Variants in LANCL3 observed in about 807,000 individuals in gnomAD.
LANCL3 encodes the protein LanC like family member 3, also known as lanC-like protein 3.
In LANCL3, 19 loss-of-function variants were observed where a neutral mutation model predicts 26.5. The observed-to-expected ratio is 0.72, with a 90% confidence interval of 0.50 to 1.05. The LOEUF (loss-of-function observed/expected upper bound fraction) is 1.05. Ranked by LOEUF, LANCL3 falls within the 50% of genes least tolerant of loss-of-function variation. The pLI is 0.00. For synonymous variants in LANCL3, 160 were observed against 166.6 expected (o/e 0.96, Z 0.30); for missense variants, 318 against 362.7 (o/e 0.88, Z 1.00).
At chrX:37,608,059 AG>A (rs1381660302) in intron 1 of LANCL3, among the ~76,000 whole-genome samples, 1 of 112,257 alleles carries the variant, frequency 8.9e-6, no homozygotes, top group African/African-American at 3.2e-5. Flanking sequence ...TACAGTACTT[AG>A]CTAGTGCTTC....
intron 4 of LANCL3, among the ~76,000 whole-genome samples, chrX:37,673,557 G>GA (rs1479845929): frequency 2.7e-5 from 3 of 109,540 alleles, no homozygotes; most frequent in South Asian, 3.9e-4. Context: ...GAACGTTTTA[G>GA]AAAAAAAAAT....
intron 1 of LANCL3, among the ~76,000 whole-genome samples, chrX:37,593,680 G>A (rs1395129018): frequency 9.0e-6 from 1 of 111,623 alleles, no homozygotes; most frequent in Non-Finnish European, 1.9e-5. Flanking sequence ...AAATAAATGA[G>A]GGCTCCTTAG....
chrX:37,595,680 A>C (rs1924407686), intron 1 of LANCL3, among the ~76,000 whole-genome samples: 1 of 112,380 alleles, frequency 8.9e-6, no homozygotes, highest in African/African-American at 3.2e-5. Flanking sequence ...AATACCTGAC[A>C]TCTAAAAAGG....
intron 1 of LANCL3, among the ~76,000 whole-genome samples, chrX:37,630,687 T>G (rs1468801002): frequency 4.6e-4 from 47 of 102,384 alleles, no homozygotes; most frequent in African/African-American, 1.6e-3. Flanking sequence ...TCAAAGGCCT[T>G]TTCTGCATCT....
chrX:37,626,445 A>C (rs1448982846), intron 1 of LANCL3, among the ~76,000 whole-genome samples: 1 of 112,333 alleles, frequency 8.9e-6, no homozygotes, highest in African/African-American at 3.2e-5. Context: ...GGGAGGAAGC[A>C]AACCATTTAT....
Position 37,572,032 on chromosome X carries a change from G to A in LANCL3, c.162G>A (p.Ala54=). 3.4e-6 allele frequency: 4 copies of A among 1,181,928 alleles called. No individual in the cohort carries two copies. The highest frequency in any genetic ancestry group is 4.5e-6 in the Non-Finnish European group (4 of 881,552). ...GGGGCGGCGCGGAGGCCCGAGGGGC[G>A]ACGGCGGGGGCTAGCGCCTGCCAGG... ...PLGGGAEARG[A]TAGASACQGG... Residue 54 remains alanine (A), a synonymous_variant, in exon 1 of 5, where the codon GCG becomes GCA. Transcript: ENST00000378619.
Position 37,684,184 on chromosome X carries a change from G to A in LANCL3, c.*8371G>A. 1 of 112,288 alleles carries A rather than the reference G, an allele frequency of 8.9e-6. No individual in the cohort carries two copies. The highest frequency in any genetic ancestry group is 1.9e-5 in the Non-Finnish European group (1 of 53,219). The allele number at this position is 112,288 out of a possible 1,213,427, so 9.3% of individuals were successfully genotyped here. The stretch of plus-strand genomic sequence containing the variant: ...CTCACAGCCCACTGCATGGTATAAT[G>A]AAATCTCTATAAGCAAGATAGAGTC... On this transcript the variant is annotated 3_prime_UTR_variant, in exon 5 of 5. Coordinates refer to ENST00000378619, the MANE Select transcript of LANCL3 (RefSeq NM_001170331.2).
chrX:37,666,760 G>C (rs1455506763), intron 3 of LANCL3, among the ~76,000 whole-genome samples: 1 of 111,887 alleles, frequency 8.9e-6, no homozygotes, highest in Non-Finnish European at 1.9e-5. Flanking sequence ...GATCCTTCTG[G>C]AGCATTGTTT....
chrX:37,609,691 T>TA (rs200978939), intron 1 of LANCL3, among the ~76,000 whole-genome samples: 4,209 of 108,490 alleles, frequency 0.039, 200 homozygotes, highest in African/African-American at 0.13. Flanking sequence ...GTGGATGGGA[T>TA]AAAAAAAAAC....
Position 37,678,789 on chromosome X carries a change from G to A in LANCL3, c.*2976G>A, listed in dbSNP as rs986489933. ...AGTTGACTATGCTATTAAGATAACA[G>A]TATTTGCTTACTGATAACTTGAGAA... is the stretch of plus-strand genomic sequence containing the variant. On this transcript the variant is annotated 3_prime_UTR_variant, in exon 5 of 5. Transcript: ENST00000378619. 9.0e-6 allele frequency: 1 copy of A among 111,390 alleles called. No homozygotes were observed. Among genetic ancestry groups the A allele is most frequent in the Non-Finnish European group, 1.9e-5 (1 of 53,023 alleles). The allele number at this position is 111,390 out of a possible 1,213,427, so 9.2% of individuals were successfully genotyped here.
Position 37,603,558 on chromosome X carries a change from T to C in LANCL3, c.573+31115T>C, listed in dbSNP as rs984200675. Reference sequence around the variant, plus strand: ...CCATACTTGGTGTTCAATGAATTGATGAATGAATGAAGAACCCCACTGTGG... The same window carrying C: ...CCATACTTGGTGTTCAATGAATTGACGAATGAATGAAGAACCCCACTGTGG... On this transcript the variant is annotated intron_variant, in intron 1 of 4. Transcript: ENST00000378619. 8.3e-5 allele frequency among the ~76,000 whole-genome samples: 8 copies of C among 95,861 alleles called. No individual in the cohort carries two copies. In the Admixed American group the frequency reaches 8.8e-4, roughly 11 times the overall value. 83.2% of individuals were successfully genotyped at this position (95,861 alleles called of 115,157 possible). A position where few individuals can be genotyped will look rare whatever the true frequency, so the allele number is the denominator to read the frequency against.
rs184890293 is a variant in LANCL3 at position 37,669,323 on chromosome X, C to T, written c.1103+1834C>T. Reference sequence around the variant, plus strand: ...TCAGCCTCCTGAGTAGCTAGGGCTACAGGTTCATGCCACCATATGTGGCTG... The same window carrying T: ...TCAGCCTCCTGAGTAGCTAGGGCTATAGGTTCATGCCACCATATGTGGCTG... On this transcript the variant is annotated intron_variant, in intron 4 of 4. Coordinates refer to ENST00000378619, the MANE Select transcript of LANCL3 (RefSeq NM_001170331.2). Among the ~76,000 whole-genome samples the T allele has an allele frequency of 3.6e-3, 405 of 111,346 alleles. 2 individuals are homozygous for T. Among genetic ancestry groups the T allele is most frequent in the African/African-American group, 0.013 (399 of 30,618 alleles).
chrX:37,630,169 C>T (rs1925449911), intron 1 of LANCL3, among the ~76,000 whole-genome samples: 1 of 110,191 alleles, frequency 9.1e-6, no homozygotes, highest in Non-Finnish European at 1.9e-5. Flanking sequence ...CCTTCACATC[C>T]CTTGTAAGTT....
intron 4 of LANCL3, among the ~76,000 whole-genome samples, chrX:37,672,348 G>A (rs1926703607): frequency 8.9e-6 from 1 of 111,786 alleles, no homozygotes; most frequent in Admixed American, 9.5e-5. Flanking sequence ...CTGGAAATGT[G>A]GAGGTAATAT....
intron 1 of LANCL3, among the ~76,000 whole-genome samples, chrX:37,637,431 G>A (rs1242612716): frequency 8.9e-6 from 1 of 111,787 alleles, no homozygotes; most frequent in Non-Finnish European, 1.9e-5. Flanking sequence ...CTAATGACAT[G>A]TCAGTGTAAA....
At chrX:37,669,695 T>G (rs1926635313) in intron 4 of LANCL3, among the ~76,000 whole-genome samples, 1 of 109,414 alleles carries the variant, frequency 9.1e-6, no homozygotes, top group East Asian at 2.8e-4. Flanking sequence ...ATTAAACCTC[T>G]TTTCTTTGTG....
intron 1 of LANCL3, among the ~76,000 whole-genome samples, chrX:37,639,252 CACAT>C (rs1485091767): frequency 3.0e-5 from 3 of 99,863 alleles, no homozygotes; most frequent in Admixed American, 2.2e-4. Context: ...TACATATACA[CACAT>C]ACATATATAT....
At chrX:37,632,546 T>C (rs1418188102) in intron 1 of LANCL3, among the ~76,000 whole-genome samples, 1 of 111,845 alleles carries the variant, frequency 8.9e-6, no homozygotes, top group Non-Finnish European at 1.9e-5. Flanking sequence ...TTCTTCCTAG[T>C]GTCGATGGTC....
intron 1 of LANCL3, among the ~76,000 whole-genome samples, chrX:37,604,847 G>A (rs1924663532): frequency 8.9e-6 from 1 of 112,759 alleles, no homozygotes; most frequent in Admixed American, 9.3e-5. Context: ...CTTTTTGATG[G>A]AAGGAGCTAC....
Sources: allele counts gnomAD v4.1 joint callset (sites outside exome capture counted in the v4.1 genomes callset), GRCh38; gene constraint gnomAD v4.1.1; transcripts MANE v1.5; gene names NCBI Gene and HGNC (gene_info 2026-07-23, HGNC 2026-07-21).